DNAH14: variants seen among roughly 807,000 people sequenced by gnomAD.
DNAH14 encodes the protein axonemal beta dynein heavy chain 14.
DNAH14 carries 478 observed loss-of-function variants against 520.9 expected under a neutral mutation model. That is an observed-to-expected ratio of 0.92 (90% CI 0.85 to 0.99). The LOEUF (loss-of-function observed/expected upper bound fraction) is 0.99, where lower values mean the gene tolerates loss of function less well. Among genes scored for constraint, DNAH14 ranks in the 50% least tolerant of loss-of-function variants. The pLI, the probability that DNAH14 is intolerant of heterozygous loss-of-function variation, is 0.00. For missense variants in DNAH14, 4,831 were observed against 5,234.5 expected (o/e 0.92, Z 2.38); for synonymous variants, 1,581 against 1,757.2 (o/e 0.90, Z 2.51).
chr1:225,155,822 A>G (rs925704705), intron 34 of DNAH14, among the ~76,000 whole-genome samples: 4 of 152,128 alleles, frequency 2.6e-5, no homozygotes, highest in African/African-American at 9.7e-5. Flanking sequence ...AAAGCACCAC[A>G]GAAGCCATGT....
chr1:224,943,977 T>A (rs2059613768), intron 1 of DNAH14, among the ~76,000 whole-genome samples: 1 of 152,182 alleles, frequency 6.6e-6, no homozygotes, highest in Admixed American at 6.5e-5. Context: ...TTCTGTTGAT[T>A]TGGGGTGGAG....
chr1:225,192,479 G>T (rs1349897708), intron 37 of DNAH14, among the ~76,000 whole-genome samples: 2 of 151,972 alleles, frequency 1.3e-5, no homozygotes, highest in African/African-American at 4.8e-5. Flanking sequence ...TGGGGGTACT[G>T]TTTGTAGTAT....
intron 54 of DNAH14, among the ~76,000 whole-genome samples, chr1:225,281,415 C>T (rs965193250): frequency 6.6e-6 from 1 of 152,068 alleles, no homozygotes; most frequent in Non-Finnish European, 1.5e-5. Context: ...TTAGACTGGG[C>T]CCAGCCAGAT....
intron 42 of DNAH14, among the ~76,000 whole-genome samples, chr1:225,238,818 G>A (rs1220833063): frequency 6.6e-6 from 1 of 152,058 alleles, no homozygotes; most frequent in Non-Finnish European, 1.5e-5. Flanking sequence ...CTGGGGGGAG[G>A]GGCTGAAACC....
At chr1:225,339,455 C>T (rs1436521780) in intron 68 of DNAH14, among the ~76,000 whole-genome samples, 4 of 152,156 alleles carry the variant, frequency 2.6e-5, no homozygotes, top group South Asian at 2.1e-4. Context: ...AACAGTCCTA[C>T]GGGACTTTAA....
chr1:225,071,426 C>T (rs2071530370), intron 17 of DNAH14, among the ~76,000 whole-genome samples: 1 of 152,146 alleles, frequency 6.6e-6, no homozygotes, highest in African/African-American at 2.4e-5. Flanking sequence ...CCTTATTTCT[C>T]CTTCACCTAT....
At chr1:224,982,197 T>G (rs1218342282) in intron 8 of DNAH14, among the ~76,000 whole-genome samples, 1 of 152,322 alleles carries the variant, frequency 6.6e-6, no homozygotes, top group East Asian at 1.9e-4. Flanking sequence ...TATCCACAAG[T>G]GTATTGACTC....
chr1:225,331,352 C>G, intron 64 of DNAH14, 85 bp from the exon 65 acceptor site: 10 of 1,337,850 alleles, frequency 7.5e-6, no homozygotes, highest in East Asian at 2.5e-5. Flanking sequence ...AATGGTAACA[C>G]TATATTTATA....
At chr1:225,126,751 T>C (rs573467724) in intron 27 of DNAH14, among the ~76,000 whole-genome samples, 1 of 152,286 alleles carries the variant, frequency 6.6e-6, no homozygotes, top group African/African-American at 2.4e-5. Context: ...TTCTGCAAGC[T>C]TTTGAATGTG....
chr1:224,951,425 C>T (rs1194122260), intron 1 of DNAH14, among the ~76,000 whole-genome samples: 1 of 151,422 alleles, frequency 6.6e-6, no homozygotes, highest in Non-Finnish European at 1.5e-5. Context: ...CCAGTGCCAT[C>T]TACTTCCCTT....
intron 54 of DNAH14, among the ~76,000 whole-genome samples, chr1:225,283,881 A>G (rs2093680736): frequency 6.6e-6 from 1 of 152,264 alleles, no homozygotes; most frequent in South Asian, 2.1e-4. Context: ...AACAAAAGGA[A>G]AGTTGGGATA....
chr1:224,936,351 A>G (rs913030189), intron 1 of DNAH14, among the ~76,000 whole-genome samples: 17 of 151,726 alleles, frequency 1.1e-4, no homozygotes, highest in Admixed American at 8.5e-4. Context: ...GAGAGAGAAG[A>G]CCTAAATAAA....
At chr1:225,186,378 C>CAAT (rs1451687445) in intron 37 of DNAH14, among the ~76,000 whole-genome samples, 1 of 151,632 alleles carries the variant, frequency 6.6e-6, no homozygotes, top group Non-Finnish European at 1.5e-5. Context: ...ATTATCACAG[C>CAAT]AATAATAATA....
intron 60 of DNAH14, among the ~76,000 whole-genome samples, chr1:225,314,270 TTTTGCTTTCCA>T (rs2094427204): frequency 1.3e-5 from 2 of 152,212 alleles, no homozygotes; most frequent in African/African-American, 4.8e-5. Context: ...TCGCTGCTTT[TTTTGCTTTCCA>T]TTTGCTTGGT....
chr1:225,161,824 C>CA (rs1196207980), intron 35 of DNAH14, among the ~76,000 whole-genome samples: 1 of 152,148 alleles, frequency 6.6e-6, no homozygotes, highest in Non-Finnish European at 1.5e-5. Context: ...AATGTCTATT[C>CA]AAATCTTTTG....
intron 8 of DNAH14, among the ~76,000 whole-genome samples, chr1:224,980,997 T>C (rs2062226192): frequency 6.6e-6 from 1 of 152,226 alleles, no homozygotes; most frequent in African/African-American, 2.4e-5. Context: ...AATTAAAAAA[T>C]AAAATAAATA....
intron 17 of DNAH14, among the ~76,000 whole-genome samples, chr1:225,061,377 G>T (rs1169765186): frequency 1.3e-5 from 2 of 152,210 alleles, no homozygotes; most frequent in African/African-American, 4.8e-5. Flanking sequence ...ACAGTATTAG[G>T]GTGGGAGTGA....
At chr1:224,961,231 C>G (rs542865423) in intron 4 of DNAH14, 13 of 152,238 alleles carry the variant, frequency 8.5e-5, no homozygotes, top group Admixed American at 6.5e-4. Context: ...AGAATCCATT[C>G]CCAAGCAACA....
chr1:225,007,057 C>CT (rs2064232867), intron 9 of DNAH14, among the ~76,000 whole-genome samples: 1 of 152,082 alleles, frequency 6.6e-6, no homozygotes, highest in South Asian at 2.1e-4. Flanking sequence ...TGTATTTTAT[C>CT]TTTGTGTTTT....
Sources: gnomAD v4.1 joint callset for allele counts (sites outside exome capture counted in the v4.1 genomes callset) on GRCh38, gnomAD v4.1.1 for gene constraint, MANE v1.5 for transcripts, NCBI Gene and HGNC (gene_info 2026-07-23, HGNC 2026-07-21) for gene names.